The following RBBP8 variants were observed in gnomAD, a reference collection of about 807,000 sequenced individuals.
RBBP8 encodes DNA endonuclease RBBP8.
RBBP8 carries 88 observed loss-of-function variants against 108.3 expected under a neutral mutation model. The ratio of observed to expected loss-of-function variants is 0.81; its 90% CI spans 0.68 to 0.97. The LOEUF is 0.97. RBBP8 is among the 50% of genes least tolerant of loss of function. The pLI is 0.00. For synonymous variants in RBBP8, 332 were observed against 348.2 expected, an observed-to-expected ratio of 0.95 and a Z score of 0.52; for missense variants, 1,023 against 1,049.0, an observed-to-expected ratio of 0.98 and a Z score of 0.34.
intron 16 of RBBP8, among the ~76,000 whole-genome samples, chr18:23,015,139 C>T (rs4800443): frequency 0.49 from 74,699 of 151,932 alleles, 21,673 homozygotes; most frequent in Middle Eastern, 0.67. Flanking sequence ...CTCAAGCAAC[C>T]CTTTTGCCCC....
chr18:22,975,372 A>G (rs1263321954), intron 6 of RBBP8, among the ~76,000 whole-genome samples, 153 bp downstream of exon 6: 2 of 152,170 alleles, frequency 1.3e-5, no homozygotes, highest in African/African-American at 4.8e-5. Context: ...GTGTTTTGAG[A>G]GTATAGTGTG....
intron 4 of RBBP8, among the ~76,000 whole-genome samples, chr18:22,958,999 A>G (rs1205550664): frequency 6.6e-6 from 1 of 152,220 alleles, no homozygotes; most frequent in Non-Finnish European, 1.5e-5. Context: ...CATGTTAAAC[A>G]GTCAACAAAT....
At chr18:22,987,022 C>T (rs1915378060) in intron 8 of RBBP8, among the ~76,000 whole-genome samples, 1 of 152,216 alleles carries the variant, frequency 6.6e-6, no homozygotes, top group Non-Finnish European at 1.5e-5. Flanking sequence ...TAAGTATATA[C>T]ACATATATGT....
intron 2 of RBBP8, 182 bp downstream of exon 2, chr18:22,937,142 A>C: frequency 2.3e-6 from 3 of 1,293,828 alleles, no homozygotes; most frequent in Non-Finnish European, 2.1e-6. Flanking sequence ...AAATGATTTC[A>C]TCACCCAGGT....
chr18:23,003,192 T>C (rs1416353475), intron 15 of RBBP8, among the ~76,000 whole-genome samples: 1 of 152,240 alleles, frequency 6.6e-6, no homozygotes, highest in African/African-American at 2.4e-5. Flanking sequence ...AATCTGCATC[T>C]CTAGGTTTGA....
At chr18:22,989,080 A>G (rs772614593) in intron 8 of RBBP8, 141 bp from the exon 9 acceptor site, 6 of 592,076 alleles carry the variant, frequency 1.0e-5, no homozygotes, top group Non-Finnish European at 1.4e-5. Context: ...CTTTTTGCAC[A>G]GAATTTTAAA....
chr18:22,968,867 C>G lies in RBBP8; in HGVS notation c.310C>G (p.Gln104Glu). ...VTEEHMRKKQ[Q>E]EFENIRQQNL... ...TGAAGAACATATGCGGAAAAAACAG[C>G]AAGAGTTTGAAAATATCCGGCAGCA... Residue 104 changes from glutamine to glutamate, a missense_variant, in exon 5 of 19, where the codon CAA becomes GAA. Coordinates refer to ENST00000327155, the MANE Select transcript of RBBP8 (RefSeq NM_002894.3). 2 of 1,613,438 alleles carry G rather than the reference C, an allele frequency of 1.2e-6. No homozygotes were observed. The highest frequency in any genetic ancestry group is 2.2e-5 in the East Asian group (1 of 44,780).
At chr18:22,926,283 C>T (rs371971988) in intron 3 of RBBP8, among the ~76,000 whole-genome samples, 4 of 152,230 alleles carry the variant, frequency 2.6e-5, no homozygotes, top group African/African-American at 4.8e-5. Context: ...ATTAGCCAGG[C>T]GTGGTGCCAC....
At chr18:22,942,746 G>A (rs567303967) in intron 2 of RBBP8, among the ~76,000 whole-genome samples, 4 of 151,926 alleles carry the variant, frequency 2.6e-5, no homozygotes, top group African/African-American at 4.8e-5. Flanking sequence ...ATTTATTTGG[G>A]TACAAAATTT....
chr18:22,968,423 T>C (rs1481288147), intron 4 of RBBP8, among the ~76,000 whole-genome samples: 3 of 152,204 alleles, frequency 2.0e-5, no homozygotes, highest in Non-Finnish European at 4.4e-5. Context: ...AAAATATTAT[T>C]GAACACTCAC....
At chr18:22,940,287 C>T (rs376388238) in intron 2 of RBBP8, among the ~76,000 whole-genome samples, 6 of 150,774 alleles carry the variant, frequency 4.0e-5, no homozygotes, top group Non-Finnish European at 7.4e-5. Flanking sequence ...TCCATGAACA[C>T]GGGATACCTT....
chr18:22,975,280 A>G (rs936574895), intron 6 of RBBP8, 61 bp downstream of exon 6: 2 of 1,588,764 alleles, frequency 1.3e-6, no homozygotes, highest in Non-Finnish European at 1.7e-6. Context: ...CCATGAAGAT[A>G]ACTGTAAGAG....
At chr18:22,964,373 GT>G (rs71161350) in intron 4 of RBBP8, among the ~76,000 whole-genome samples, 71 of 139,516 alleles carry the variant, frequency 5.1e-4, no homozygotes, top group African/African-American at 1.1e-3. Context: ...GGAGACTTAG[GT>G]TTTTTTTTTT....
At chr18:23,024,860 A>G (rs1334304728) in intron 18 of RBBP8, among the ~76,000 whole-genome samples, 2 of 152,216 alleles carry the variant, frequency 1.3e-5, no homozygotes, top group African/African-American at 4.8e-5. Flanking sequence ...AATGTTTAAA[A>G]TTTTTACCCA....
At chr18:22,962,745 G>A (rs1306626884) in intron 4 of RBBP8, among the ~76,000 whole-genome samples, 2 of 147,034 alleles carry the variant, frequency 1.4e-5, no homozygotes, top group South Asian at 2.1e-4. Flanking sequence ...CTACAGGTGT[G>A]TGCCACCATG....
At chr18:23,010,880 A>T (rs112004948) in intron 16 of RBBP8, among the ~76,000 whole-genome samples, 1 of 152,198 alleles carries the variant, frequency 6.6e-6, no homozygotes, top group African/African-American at 2.4e-5. Flanking sequence ...TCTACTACAG[A>T]TGCTGTTCTG....
intron 8 of RBBP8, 22 bp downstream of exon 8, chr18:22,985,012 C>T: frequency 6.2e-7 from 1 of 1,608,874 alleles, no homozygotes; most frequent in Non-Finnish European, 8.5e-7. Context: ...ACTGAGATTA[C>T]TTTACAAGTT....
intron 17 of RBBP8, among the ~76,000 whole-genome samples, chr18:23,018,973 G>A (rs1829699896): frequency 6.6e-6 from 1 of 152,148 alleles, no homozygotes; most frequent in Non-Finnish European, 1.5e-5. Context: ...AAAATTATAT[G>A]TGAAAGTATG....
intron 14 of RBBP8, among the ~76,000 whole-genome samples, chr18:23,000,238 T>C (rs1233540997): frequency 6.6e-6 from 1 of 152,160 alleles, no homozygotes; most frequent in Non-Finnish European, 1.5e-5. Context: ...CTTAGGCCTC[T>C]TTTCTGTCAT....
Sources: allele counts gnomAD v4.1 joint callset (sites outside exome capture counted in the v4.1 genomes callset), GRCh38; gene constraint gnomAD v4.1.1; transcripts MANE v1.5; gene names NCBI Gene and HGNC (gene_info 2026-07-23, HGNC 2026-07-21).